Variants in TRIM5 observed in about 807,000 individuals in gnomAD.
TRIM5 encodes the protein tripartite motif-containing protein 5.
TRIM5 carries 31 observed loss-of-function variants against 35.6 expected under a neutral mutation model. The observed-to-expected ratio is 0.87, with a 90% CI of 0.65 to 1.18. The LOEUF (loss-of-function observed/expected upper bound fraction) is 1.18, where lower values mean the gene tolerates loss of function less well. TRIM5 is among the 50% of genes most tolerant of loss of function. The pLI is 0.00. For missense variants in TRIM5, 609 were observed against 591.6 expected, an observed-to-expected ratio of 1.03 and a Z score of -0.31; for synonymous variants, 243 against 215.6, an observed-to-expected ratio of 1.13 and a Z score of -1.11.
Position 5,679,176 on chromosome 11 carries a change from G to GA in TRIM5, c.418-8dup. ...GAGCTGCCTGGAGCTTCACCTGTGAGAAAGGAATCACACCATAGTCAAGCT... is the reference window on the plus strand; with the variant it reads ...GAGCTGCCTGGAGCTTCACCTGTGAGAAAAGGAATCACACCATAGTCAAGCT... On this transcript the variant is annotated splice_polypyrimidine_tract_variant and splice_region_variant and intron_variant, in intron 2 of 7. Transcript: ENST00000380034. The GA allele has an allele frequency of 6.2e-7, 1 of 1,612,798 alleles. No homozygotes were observed.
At chr11:5,665,577 G>A (rs765035400) in intron 7 of TRIM5, 79 bp downstream of exon 7, 2 of 1,582,692 alleles carry the variant, frequency 1.3e-6, no homozygotes, top group East Asian at 2.2e-5. Context: ...GCCTAATAGA[G>A]AACATAAAAT....
chr11:5,603,313 A>G, the TRIM5 span: 10 of 1,613,982 alleles, frequency 6.2e-6, no homozygotes, highest in African/African-American at 2.7e-5. Flanking sequence ...AGTAGCTACA[A>G]TGACTTCACC....
At chr11:5,681,256 T>G (rs970641234) in intron 1 of TRIM5, among the ~76,000 whole-genome samples, 1 of 152,132 alleles carries the variant, frequency 6.6e-6, no homozygotes, top group Non-Finnish European at 1.5e-5. Flanking sequence ...GGCTGCTGCT[T>G]CTTGCGGCCC....
At chr11:5,599,383 ATATTTATTTATTTATT>A in the TRIM5 span, among the ~76,000 whole-genome samples, 6 of 146,936 alleles carry the variant, frequency 4.1e-5, no homozygotes, top group East Asian at 8.0e-4. Flanking sequence ...TACAATTATT[ATATTTATTTATTTATT>A]TATTTATTTA....
intron 1 of TRIM5, among the ~76,000 whole-genome samples, chr11:5,684,595 T>C (rs907441823): frequency 6.6e-6 from 1 of 152,190 alleles, no homozygotes; most frequent in Non-Finnish European, 1.5e-5. Flanking sequence ...TTGCCCTTGT[T>C]GTTGGGAGAA....
chr11:5,641,274 T>TA, the TRIM5 span: 3 of 1,600,862 alleles, frequency 1.9e-6, no homozygotes, highest in Non-Finnish European at 1.7e-6. Flanking sequence ...TCAATTGGAA[T>TA]AAAAAATCTC....
At chr11:5,641,280 A>T in the TRIM5 span, 5 of 1,595,540 alleles carry the variant, frequency 3.1e-6, no homozygotes, top group Non-Finnish European at 4.3e-6. Context: ...GGAATAAAAA[A>T]TCTCCCAGAG....
At chr11:5,670,690 G>A (rs1851521018) in intron 4 of TRIM5, among the ~76,000 whole-genome samples, 1 of 152,188 alleles carries the variant, frequency 6.6e-6, no homozygotes, top group African/African-American at 2.4e-5. Flanking sequence ...CCCAAGCATA[G>A]ATTCATCAGG....
At position 5,665,076 on chromosome 11, in the gene TRIM5, C is replaced by G. The variant is rs907689247; in HGVS notation, c.1215G>C (p.Glu405Asp). 1 of 1,613,972 alleles carries G rather than the reference C, an allele frequency of 6.2e-7. No individual in the cohort carries two copies. The highest frequency in any genetic ancestry group is 1.3e-5 in the African/African-American group (1 of 74,900). The change falls in exon 8 of 8, where the codon GAG becomes GAC. Residue 405 changes from glutamate to aspartate, a missense_variant. Glu to Asp is a conservative substitution (Grantham distance 45). Coordinates refer to ENST00000380034, the MANE Select transcript of TRIM5 (RefSeq NM_033034.3). ...GGAAAGCACTACATTTAACTCCTTCCTCTAACCCTATAACCCAGTAGCCGT... is the reference window on the plus strand; with the variant it reads ...GGAAAGCACTACATTTAACTCCTTCGTCTAACCCTATAACCCAGTAGCCGT... ...PKYGYWVIGL[E>D]EGVKCSAFQD...
chr11:5,616,065 C>A, the TRIM5 span, among the ~76,000 whole-genome samples: 23,700 of 150,236 alleles, frequency 0.16, 1,927 homozygotes, highest in East Asian at 0.29. Flanking sequence ...ATTCTCCTGC[C>A]TCAGCCTCCC....
At chr11:5,610,360 A>G in the TRIM5 span, 3 of 1,562,690 alleles carry the variant, frequency 1.9e-6, no homozygotes, top group Non-Finnish European at 2.6e-6. Flanking sequence ...GAGGTCCCAG[A>G]GGGAGGGACA....
At chr11:5,671,779 T>C (rs1458867673) in intron 4 of TRIM5, among the ~76,000 whole-genome samples, 1 of 151,202 alleles carries the variant, frequency 6.6e-6, no homozygotes, top group African/African-American at 2.4e-5. Flanking sequence ...CTATTACATG[T>C]ATGTTGCTAC....
chr11:5,634,774 T>C, the TRIM5 span: 1 of 1,614,012 alleles, frequency 6.2e-7, no homozygotes, highest in Non-Finnish European at 8.5e-7. Flanking sequence ...AGGCTGAGGA[T>C]GAGCTAGTTC....
the TRIM5 span, among the ~76,000 whole-genome samples, chr11:5,647,576 T>G: frequency 3.9e-5 from 6 of 152,114 alleles, no homozygotes; most frequent in Admixed American, 2.6e-4. Flanking sequence ...AAGCTGGAGT[T>G]CAGTGGTGCA....
the TRIM5 span, among the ~76,000 whole-genome samples, chr11:5,649,642 A>G: frequency 6.6e-6 from 1 of 152,172 alleles, no homozygotes; most frequent in African/African-American, 2.4e-5. Context: ...AATCATTGTC[A>G]TGTCTACTGG....
intron 4 of TRIM5, among the ~76,000 whole-genome samples, chr11:5,669,552 C>G (rs1484715473): frequency 6.6e-6 from 1 of 152,204 alleles, no homozygotes; most frequent in South Asian, 2.1e-4. Flanking sequence ...TCTACACATA[C>G]AATCAAATAG....
the TRIM5 span, among the ~76,000 whole-genome samples, chr11:5,594,802 A>T: frequency 2.0e-5 from 3 of 152,014 alleles, no homozygotes; most frequent in Non-Finnish European, 4.4e-5. Context: ...TTTGTATTCC[A>T]AGGGACTTAA....
the TRIM5 span, among the ~76,000 whole-genome samples, chr11:5,591,686 G>A: frequency 6.6e-6 from 1 of 152,140 alleles, no homozygotes; most frequent in Non-Finnish European, 1.5e-5. Flanking sequence ...GATCTGATTG[G>A]ATCTTGCAAT....
At chr11:5,660,607 AATTG>A (rs1445563163), downstream of TRIM5, among the ~76,000 whole-genome samples, 1 of 152,146 alleles carries the variant, frequency 6.6e-6, no homozygotes, top group Non-Finnish European at 1.5e-5. Flanking sequence ...CTATATGTTA[AATTG>A]ATTGATTTTA....
Sources: allele counts gnomAD v4.1 joint callset (sites outside exome capture counted in the v4.1 genomes callset), GRCh38; gene constraint gnomAD v4.1.1; transcripts MANE v1.5; gene names NCBI Gene and HGNC (gene_info 2026-07-23, HGNC 2026-07-21).